Variants in CPNE4 observed in about 807,000 individuals in gnomAD.
CPNE4 encodes copine-4.
CPNE4 carries 25 observed loss-of-function variants against 67.9 expected under a neutral mutation model. The observed-to-expected ratio is 0.37, with a 90% CI of 0.27 to 0.51. The LOEUF is 0.51. Ranked by LOEUF, CPNE4 falls within the 20% of genes least tolerant of loss-of-function variation. CPNE4 has a pLI of 0.93. For synonymous variants in CPNE4, 242 were observed against 244.9 expected (o/e 0.99, Z 0.11); for missense variants, 464 against 690.8 (o/e 0.67, Z 3.68).
At position 131,740,459 on chromosome 3, in the gene CPNE4, C is replaced by T. The variant is rs117400154; in HGVS notation, c.181-16834G>A. Among the ~76,000 whole-genome samples the T allele has an allele frequency of 6.8e-4, 103 of 152,296 alleles. 2 individuals carry two copies. In the East Asian group the frequency reaches 0.014, roughly 20 times the overall value. On this transcript the variant is annotated intron_variant, in intron 2 of 15. Transcript: ENST00000429747. ...CCCTCCCATGCCGTTCTTCTAGATG[C>T]TCAAGCGAAAACCTTAGGGTCATAC...
Position 131,848,956 on chromosome 3 carries a change from C to CAAAAAAAAA in CPNE4, c.180+56299_180+56307dup, listed in dbSNP as rs67407668. On this transcript the variant is annotated intron_variant, in intron 2 of 15. Transcript: ENST00000429747. Reference sequence around the variant, plus strand: ...ACTGGTGGAATGACAGTAGTGATTACAAAAAAAAAAAAAAAAAAAAAAAAA... The same window carrying CAAAAAAAAA: ...ACTGGTGGAATGACAGTAGTGATTACAAAAAAAAAAAAAAAAAAAAAAAAAAAAAAAAAA... Among the ~76,000 whole-genome samples, 17 of 79,634 alleles carry CAAAAAAAAA rather than the reference C, an allele frequency of 2.1e-4. 2 individuals are homozygous for CAAAAAAAAA. Among genetic ancestry groups the CAAAAAAAAA allele is most frequent in the African/African-American group, 6.2e-4 (9 of 14,502 alleles). 52.2% of individuals were successfully genotyped at this position (79,634 alleles called of 152,430 possible).
chr3:131,564,270 T>G lies in CPNE4; in HGVS notation c.1007A>C (p.Asn336Thr). 6.2e-7 allele frequency: 1 copy of G among 1,612,936 alleles called. No homozygotes were observed. The highest frequency in any genetic ancestry group is 2.2e-5 in the East Asian group (1 of 44,810). ...SLHYIHPYQP[N>T]EYLKALVAVG... ...AGCTACCAAAGCTTTCAGATACTCATTGGGTTGGTAAGGGTGGATGTAGTG... is the reference window on the plus strand; with the variant it reads ...AGCTACCAAAGCTTTCAGATACTCAGTGGGTTGGTAAGGGTGGATGTAGTG... The change falls in exon 11 of 16, where the codon AAT becomes ACT. Residue 336 changes from asparagine to threonine, a missense_variant. Asn to Thr is a moderately conservative substitution (Grantham distance 65, BLOSUM62 0). Around this residue, in one of 6 missense-constraint regions of CPNE4, gnomAD observed 201 missense variants for 357.7 expected, o/e 0.56. Transcript: ENST00000429747.
chr3:132,032,105 T>C (rs1174739055), intron 1 of CPNE4, among the ~76,000 whole-genome samples: 2 of 152,226 alleles, frequency 1.3e-5, no homozygotes, highest in Non-Finnish European at 2.9e-5. Flanking sequence ...CAAAATGTCA[T>C]GTTGCTACTG....
chr3:131,572,674 C>A (rs1034239883), intron 10 of CPNE4, among the ~76,000 whole-genome samples: 9 of 151,966 alleles, frequency 5.9e-5, no homozygotes, highest in African/African-American at 1.2e-4. Context: ...TGCTTGAAGG[C>A]CTTTCTCCAG....
At chr3:131,801,418 G>GGGTA (rs2084115326) in intron 2 of CPNE4, among the ~76,000 whole-genome samples, 1 of 45,180 alleles carries the variant, frequency 2.2e-5, no homozygotes, top group African/African-American at 8.5e-5. Context: ...ATATATACGT[G>GGGTA]TGTGTGTGTG....
At chr3:131,594,180 C>A (rs1456587452) in intron 7 of CPNE4, among the ~76,000 whole-genome samples, 1 of 152,120 alleles carries the variant, frequency 6.6e-6, no homozygotes, top group Non-Finnish European at 1.5e-5. Flanking sequence ...TTCTTCTATA[C>A]CTAGTTTGTT....
chr3:131,542,854 T>C, intron 14 of CPNE4, 61 bp from the exon 15 acceptor site: 1 of 1,201,050 alleles, frequency 8.3e-7, no homozygotes, highest in Non-Finnish European at 1.2e-6. Context: ...ACAAGGACAA[T>C]ACAATACCAG....
intron 1 of CPNE4, among the ~76,000 whole-genome samples, chr3:132,029,447 G>C (rs1355628301): frequency 6.6e-6 from 1 of 152,158 alleles, no homozygotes; most frequent in Non-Finnish European, 1.5e-5. Flanking sequence ...GGGTCCCGGA[G>C]GTTGACTCTG....
At chr3:131,634,869 T>A (rs904604885) in intron 7 of CPNE4, among the ~76,000 whole-genome samples, 1 of 152,134 alleles carries the variant, frequency 6.6e-6, no homozygotes, top group African/African-American at 2.4e-5. Context: ...TTCCTTTTGG[T>A]CGAGGAAATT....
chr3:131,599,131 T>G (rs1939064745), intron 7 of CPNE4, among the ~76,000 whole-genome samples: 1 of 152,242 alleles, frequency 6.6e-6, no homozygotes, highest in Non-Finnish European at 1.5e-5. Context: ...GAGAATTTGA[T>G]CCATAATTTA....
At chr3:131,642,294 G>A (rs2079561027) in intron 7 of CPNE4, among the ~76,000 whole-genome samples, 1 of 151,894 alleles carries the variant, frequency 6.6e-6, no homozygotes, top group South Asian at 2.1e-4. Context: ...AGCTGAATTG[G>A]ACAGTAAAGA....
At chr3:132,006,367 T>C (rs977910030) in intron 1 of CPNE4, among the ~76,000 whole-genome samples, 1 of 152,052 alleles carries the variant, frequency 6.6e-6, no homozygotes, top group Admixed American at 6.6e-5. Flanking sequence ...ATCAAGCATA[T>C]AACTTGAAAA....
intron 1 of CPNE4, among the ~76,000 whole-genome samples, chr3:132,007,827 C>T (rs2073648326): frequency 6.6e-6 from 1 of 152,182 alleles, no homozygotes; most frequent in African/African-American, 2.4e-5. Context: ...ACTTACCCAA[C>T]ACACCCACCA....
chr3:131,576,665 AG>A (rs1463426644), intron 9 of CPNE4, among the ~76,000 whole-genome samples: 1 of 152,146 alleles, frequency 6.6e-6, no homozygotes, highest in African/African-American at 2.4e-5. Context: ...GGGAAGCACC[AG>A]GATAGGTCAG....
chr3:131,724,540 T>C (rs2081959731), intron 2 of CPNE4, among the ~76,000 whole-genome samples: 1 of 152,218 alleles, frequency 6.6e-6, no homozygotes, highest in Non-Finnish European at 1.5e-5. Context: ...TGGGTTCTGG[T>C]TGGAGTCAGC....
chr3:131,746,622 A>G (rs370787966), intron 2 of CPNE4, among the ~76,000 whole-genome samples: 6 of 152,278 alleles, frequency 3.9e-5, no homozygotes, highest in African/African-American at 9.6e-5. Flanking sequence ...TTATGGCTTA[A>G]TAGTATTCCA....
chr3:131,819,839 C>T (rs2084895963), intron 2 of CPNE4, among the ~76,000 whole-genome samples: 1 of 152,152 alleles, frequency 6.6e-6, no homozygotes, highest in South Asian at 2.1e-4. Context: ...CCAACCTAAA[C>T]AATGATGTGG....
intron 2 of CPNE4, among the ~76,000 whole-genome samples, chr3:131,793,945 T>C (rs1343916256): frequency 6.6e-6 from 1 of 152,244 alleles, no homozygotes; most frequent in Non-Finnish European, 1.5e-5. Flanking sequence ...GCCTGTGGTA[T>C]GTAGCCATCC....
At chr3:131,743,917 C>T (rs901247539) in intron 2 of CPNE4, among the ~76,000 whole-genome samples, 1 of 131,152 alleles carries the variant, frequency 7.6e-6, no homozygotes, top group African/African-American at 2.8e-5. Context: ...GAGCCGAGAT[C>T]GCGCCACTGC....
Sources: allele counts gnomAD v4.1 joint callset (sites outside exome capture counted in the v4.1 genomes callset), GRCh38; gene constraint gnomAD v4.1.1; regional missense constraint gnomAD v4.1.1; transcripts MANE v1.5; gene names NCBI Gene and HGNC (gene_info 2026-07-23, HGNC 2026-07-21).